UQCC1: variants seen among roughly 807,000 people sequenced by gnomAD.
The protein encoded by UQCC1 is bFGF-repressed Zic-binding protein.
In UQCC1, 38 loss-of-function variants were observed where a neutral mutation model predicts 48.0. The ratio of observed to expected loss-of-function variants is 0.79; its 90% CI spans 0.61 to 1.04. The LOEUF is 1.04. UQCC1 is among the 50% of genes least tolerant of loss of function. The pLI is 0.00. For synonymous variants in UQCC1, 111 were observed against 129.2 expected (o/e 0.86, Z 0.95); for missense variants, 368 against 381.8 (o/e 0.96, Z 0.30).
At chr20:35,410,858 A>T (rs868391935) in intron 1 of UQCC1, among the ~76,000 whole-genome samples, 2 of 151,230 alleles carry the variant, frequency 1.3e-5, no homozygotes, top group Middle Eastern at 3.5e-3. Context: ...AAATCAAACA[A>T]TCACTTCACC....
intron 1 of UQCC1, among the ~76,000 whole-genome samples, chr20:35,403,956 G>A (rs929208175): frequency 3.3e-5 from 5 of 152,158 alleles, no homozygotes; most frequent in Non-Finnish European, 5.9e-5. Flanking sequence ...GATATACCTA[G>A]GCCGGGCGTG....
At chr20:35,370,796 C>CA (rs2061721534) in intron 5 of UQCC1, among the ~76,000 whole-genome samples, 1 of 152,050 alleles carries the variant, frequency 6.6e-6, no homozygotes, top group South Asian at 2.1e-4. Flanking sequence ...TAACAAAATA[C>CA]AAAAAATATT....
At chr20:35,379,762 C>T (rs2061844746) in intron 4 of UQCC1, among the ~76,000 whole-genome samples, 1 of 152,022 alleles carries the variant, frequency 6.6e-6, no homozygotes, top group South Asian at 2.1e-4. Flanking sequence ...GCTGAGATCA[C>T]GCTACTGTAC....
At chr20:35,316,593 T>C (rs2146313392) in intron 7 of UQCC1, among the ~76,000 whole-genome samples, 1 of 152,344 alleles carries the variant, frequency 6.6e-6, no homozygotes, top group Non-Finnish European at 1.5e-5. Flanking sequence ...AGTGATAGTT[T>C]TGCTATGTAC....
chr20:35,327,340 C>A (rs1188756216), intron 7 of UQCC1, among the ~76,000 whole-genome samples: 2 of 152,222 alleles, frequency 1.3e-5, no homozygotes, highest in Non-Finnish European at 2.9e-5. Flanking sequence ...TAACTGCTCA[C>A]TGTTCAGAGC....
At chr20:35,331,420 A>G (rs1717778656) in intron 7 of UQCC1, among the ~76,000 whole-genome samples, 2 of 151,706 alleles carry the variant, frequency 1.3e-5, no homozygotes, top group South Asian at 2.1e-4. Context: ...AAAAAAAGCT[A>G]CGGTGAACAG....
At chr20:35,392,343 A>G in intron 2 of UQCC1, 3 of 1,224,974 alleles carry the variant, frequency 2.4e-6, no homozygotes, top group East Asian at 5.7e-5. Context: ...TTGATTTACA[A>G]TGACTAAAAT....
intron 5 of UQCC1, among the ~76,000 whole-genome samples, chr20:35,372,611 G>A (rs541438015): frequency 8.5e-5 from 13 of 152,252 alleles, no homozygotes; most frequent in South Asian, 2.1e-4. Context: ...CCTGTAATCC[G>A]GAACTTTGGG....
intron 7 of UQCC1, among the ~76,000 whole-genome samples, chr20:35,320,546 A>G (rs1050988159): frequency 1.3e-5 from 2 of 152,224 alleles, no homozygotes; most frequent in Admixed American, 1.3e-4. Flanking sequence ...AAGAAATGCT[A>G]ATGTGGTCTT....
intron 1 of UQCC1, among the ~76,000 whole-genome samples, chr20:35,404,820 A>C (rs1286995474): frequency 3.3e-5 from 5 of 152,234 alleles, no homozygotes; most frequent in Admixed American, 6.5e-5. Flanking sequence ...TTGAAAACAA[A>C]TAGAGGTAAC....
chr20:35,374,088 C>T, intron 5 of UQCC1, 96 bp downstream of exon 5: 1 of 913,686 alleles, frequency 1.1e-6, no homozygotes, highest in Non-Finnish European at 1.7e-6. Context: ...AAAACTGTTT[C>T]ACTAGGGACT....
intron 7 of UQCC1, among the ~76,000 whole-genome samples, chr20:35,321,302 G>A (rs182031766): frequency 1.1e-4 from 17 of 151,740 alleles, no homozygotes; most frequent in African/African-American, 2.4e-4. Context: ...GCGCGCGCAC[G>A]CTCAGGCACG....
intron 9 of UQCC1, among the ~76,000 whole-genome samples, chr20:35,305,965 T>A (rs2060923954): frequency 6.6e-6 from 1 of 152,180 alleles, no homozygotes; most frequent in African/African-American, 2.4e-5. Flanking sequence ...TGGAAGAGCC[T>A]CTATGTCCTC....
intron 6 of UQCC1, among the ~76,000 whole-genome samples, chr20:35,362,238 CT>C (rs2061614517): frequency 6.6e-6 from 1 of 152,140 alleles, no homozygotes; most frequent in Admixed American, 6.5e-5. Context: ...CATAGTTTTG[CT>C]TTTTCTTGCA....
At chr20:35,372,770 G>A (rs2061749641) in intron 5 of UQCC1, among the ~76,000 whole-genome samples, 1 of 152,168 alleles carries the variant, frequency 6.6e-6, no homozygotes, top group Admixed American at 6.5e-5. Flanking sequence ...TCAGGAGGCT[G>A]AGGAACAAGA....
rs1600926441 is a variant in UQCC1, at chr20:35,351,778, AAC to A, written c.465-4508_465-4507del. 4.6e-5 allele frequency among the ~76,000 whole-genome samples: 7 copies of A among 152,366 alleles called. No homozygotes were observed. The East Asian group carries it at 9.6e-4, about 21-fold the overall frequency. On this transcript the variant is annotated intron_variant, in intron 6 of 9. Coordinates refer to ENST00000374385, the MANE Select transcript of UQCC1 (RefSeq NM_018244.5). ...TGGGATGAAGTGTTTTTTGTTTCAC[AAC>A]ACAGTTTGTTCTATAGCCCTTACAG...
intron 1 of UQCC1, among the ~76,000 whole-genome samples, chr20:35,408,273 T>C (rs956521493): frequency 6.7e-6 from 1 of 149,828 alleles, no homozygotes; most frequent in African/African-American, 2.5e-5. Flanking sequence ...TACTAAAAAT[T>C]TAAAAACTAG....
At chr20:35,332,868 C>T (rs2061272113) in intron 7 of UQCC1, among the ~76,000 whole-genome samples, 1 of 152,204 alleles carries the variant, frequency 6.6e-6, no homozygotes, top group Non-Finnish European at 1.5e-5. Flanking sequence ...TACCTCAAGG[C>T]ATCCTTCTGT....
At chr20:35,397,723 C>T (rs1391308307) in intron 1 of UQCC1, among the ~76,000 whole-genome samples, 1 of 151,908 alleles carries the variant, frequency 6.6e-6, no homozygotes, top group African/African-American at 2.4e-5. Context: ...AATACTATGC[C>T]ACTTTGTATC....
Sources: gnomAD v4.1 joint callset for allele counts (sites outside exome capture counted in the v4.1 genomes callset) on GRCh38, gnomAD v4.1.1 for gene constraint, MANE v1.5 for transcripts, NCBI Gene and HGNC (gene_info 2026-07-23, HGNC 2026-07-21) for gene names.